The following PHAF1 variants were observed in gnomAD, a reference collection of about 807,000 sequenced individuals.
PHAF1 encodes phagosome assembly factor 1.
Under a neutral mutation model 63.1 loss-of-function variants are expected in PHAF1, and 23 were observed. The observed-to-expected ratio is 0.36, with a 90% confidence interval of 0.26 to 0.52. The LOEUF (loss-of-function observed/expected upper bound fraction) is 0.52, where lower values mean the gene tolerates loss of function less well. Among genes scored for constraint, PHAF1 ranks in the 20% least tolerant of loss-of-function variants. The probability of loss-of-function intolerance (pLI) is 0.93; values close to 1 mark genes in which losing one functional copy is unlikely to be tolerated. For missense variants in PHAF1, 427 were observed against 517.2 expected, an observed-to-expected ratio of 0.83 and a Z score of 1.69; for synonymous variants, 167 against 185.0, an observed-to-expected ratio of 0.90 and a Z score of 0.79.
Position 67,145,394 on chromosome 16 carries a change from C to T in PHAF1, c.1025C>T (p.Thr342Ile). The change falls in exon 13 of 16, where the codon ACA (threonine) becomes ATA (isoleucine). Residue 342 changes from threonine (T) to isoleucine (I), a missense_variant. Thr to Ile is a moderately conservative substitution (Grantham distance 89). Coordinates refer to ENST00000219139, the MANE Select transcript of PHAF1 (RefSeq NM_025187.5). ...AIKKENADGQ[T>I]ETCTTYSKWD... ...TTTTCAGAAAACGCAGATGGTCAGA[C>T]AGAAACATGCACGACCTACAGCAAG... The T allele has an allele frequency of 1.2e-6, 2 of 1,614,194 alleles. No homozygotes were observed. The highest frequency in any genetic ancestry group is 2.2e-5 in the East Asian group (1 of 44,884).
At position 67,129,403 on chromosome 16, in the gene PHAF1, C is replaced by A. The variant is rs1963307056; in HGVS notation, c.232-1883C>A. On this transcript the variant is annotated intron_variant, in intron 3 of 15. Coordinates refer to ENST00000219139, the MANE Select transcript of PHAF1 (RefSeq NM_025187.5). ...TGACGGCCTAGCAGAGGGAGCAGTT[C>A]TTTCTAGCAGATAGGATCAAAAGAG... Among the ~76,000 whole-genome samples, 5 of 152,238 alleles carry A rather than the reference C, an allele frequency of 3.3e-5. No homozygotes were observed. The South Asian group carries it at 1.0e-3, about 32-fold the overall frequency.
At chr16:67,129,330 A>T (rs906745974) in intron 3 of PHAF1, among the ~76,000 whole-genome samples, 1 of 152,222 alleles carries the variant, frequency 6.6e-6, no homozygotes, top group Non-Finnish European at 1.5e-5. Context: ...TTATTGGACC[A>T]CTTAACAGAA....
At position 67,110,267 on chromosome 16, in the gene PHAF1, C is replaced by G. The variant is rs746641199; in HGVS notation, c.64+28C>G. On this transcript the variant is annotated intron_variant, in intron 1 of 15. Transcript: ENST00000219139. ...GAGTTTGGGGTCCTCTGTCAGGACC[C>G]CATTCGCTGATCCTTGCTTTCTCCT... is the stretch of plus-strand genomic sequence containing the variant. The G allele has an allele frequency of 9.7e-6, 15 of 1,550,488 alleles. 1 individual carries two copies. In the South Asian group the frequency reaches 1.8e-4, roughly 18 times the overall value.
Position 67,147,107 on chromosome 16 carries a change from C to A in PHAF1, c.1245C>A (p.His415Gln). Residue 415 changes from histidine to glutamine, a missense_variant, in exon 16 of 16, where the codon CAC (histidine) becomes CAA (glutamine). Physicochemically the swap from His to Gln is conservative, Grantham distance 24. Transcript: ENST00000219139. The part of the protein sequence containing the change: ...TLYGPPRPGS[H>Q]LRTAELP The stretch of plus-strand genomic sequence containing the variant: ...ATGGCCCCCCCAGGCCTGGTAGCCA[C>A]CTGAGAACAGCGGAACTCCCCTAGG... 6.2e-7 allele frequency: 1 copy of A among 1,613,866 alleles called. No individual in the cohort carries two copies. Among genetic ancestry groups the A allele is most frequent in the Non-Finnish European group, 8.5e-7 (1 of 1,179,772 alleles).
At position 67,144,351 on chromosome 16, in the gene PHAF1, T is replaced by TA; in HGVS notation, c.938dup (p.Tyr313Ter). ...GAAGAAGTTTGTTCTACACACCAAT[T>TA]ACCCTGGGCATTATAATTTCAACAT... ...KVKKFVLHTNYPGHYNFNIYH... is the reference protein window; with the variant it reads ...KVKKFVLHTN Residue 313 changes from tyrosine to a stop codon, truncating the protein, a stop_gained and frameshift_variant, in exon 11 of 16, where the codon TAC becomes TAAC. Coordinates refer to ENST00000219139, the MANE Select transcript of PHAF1 (RefSeq NM_025187.5). LOFTEE classifies it high-confidence loss of function. 1 of 1,610,050 alleles carries TA rather than the reference T, an allele frequency of 6.2e-7. No homozygotes were observed. Among genetic ancestry groups the TA allele is most frequent in the Non-Finnish European group, 8.5e-7 (1 of 1,176,234 alleles).
At chr16:67,142,801 C>G (rs1251390398) in intron 10 of PHAF1, among the ~76,000 whole-genome samples, 2 of 152,308 alleles carry the variant, frequency 1.3e-5, no homozygotes, top group Non-Finnish European at 2.9e-5. Flanking sequence ...GGCCAGGGCT[C>G]TCACCTGTTC....
chr16:67,117,550 G>A lies in PHAF1; in HGVS notation c.65-2562G>A, dbSNP rs570618114. On this transcript the variant is annotated intron_variant, in intron 1 of 15. Transcript: ENST00000219139. ...CCCAGCACTTTGGGAGGCCGAGGCG[G>A]TGGATCACGAGGTCAGGAGATCGAG... Among the ~76,000 whole-genome samples, 663 of 151,476 alleles carry A rather than the reference G, an allele frequency of 4.4e-3. 3 individuals are homozygous for A. The highest frequency in any genetic ancestry group is 0.015 in the African/African-American group (611 of 41,368).
rs1287657598 is a variant in PHAF1 at position 67,110,258 on chromosome 16, G to A, written c.64+19G>A. 3.9e-6 allele frequency: 6 copies of A among 1,550,592 alleles called. No homozygotes were observed. Among genetic ancestry groups the A allele is most frequent in the Non-Finnish European group, 4.4e-6 (5 of 1,146,106 alleles). On this transcript the variant is annotated intron_variant, in intron 1 of 15. Transcript: ENST00000219139. ...ACGCTGGGTGAGTTTGGGGTCCTCT[G>A]TCAGGACCCCATTCGCTGATCCTTG... is the stretch of plus-strand genomic sequence containing the variant.
intron 10 of PHAF1, among the ~76,000 whole-genome samples, chr16:67,141,594 G>A (rs907469809): frequency 6.6e-6 from 1 of 152,242 alleles, no homozygotes; most frequent in African/African-American, 2.4e-5. Flanking sequence ...AGGGGTGTGT[G>A]AGCGAGTGAA....
At position 67,147,407 on chromosome 16, in the gene PHAF1, CAACT is replaced by C; in HGVS notation, c.*280_*283del. ...CTTGATTCCTGGACCCAGGAGCTCT[CAACT>C]AACAAGGAGGCAGGAGAGGTCAACC... On this transcript the variant is annotated 3_prime_UTR_variant, in exon 16 of 16. Transcript: ENST00000219139. 2.2e-6 allele frequency: 1 copy of C among 459,966 alleles called. No homozygotes were observed. The highest frequency in any genetic ancestry group is 3.9e-6 in the Non-Finnish European group (1 of 256,694). The allele number at this position is 459,966 out of a possible 1,614,324, so 28.5% of individuals were successfully genotyped here. A position where few individuals can be genotyped will look rare whatever the true frequency, so the allele number is the denominator to read the frequency against.
chr16:67,117,199 ATTTTTTTTTTT>A (rs750308105), intron 1 of PHAF1, among the ~76,000 whole-genome samples: 2 of 111,980 alleles, frequency 1.8e-5, no homozygotes, highest in Admixed American at 1.8e-4. Context: ...TGCCCAGCTA[ATTTTTTTTTTT>A]TTTTTTTTTT....
At chr16:67,133,606 C>T (rs558938819) in intron 6 of PHAF1, among the ~76,000 whole-genome samples, 5 of 151,716 alleles carry the variant, frequency 3.3e-5, no homozygotes, top group South Asian at 2.1e-4. Flanking sequence ...GGTGAAACCC[C>T]GTCTCTATTA....
chr16:67,144,022 A>G (rs887743293), intron 10 of PHAF1, among the ~76,000 whole-genome samples: 2 of 152,152 alleles, frequency 1.3e-5, no homozygotes, highest in South Asian at 2.1e-4. Context: ...GAATTGCTTG[A>G]ACCCAGGAGA....
chr16:67,134,123 A>G (rs765500225), intron 6 of PHAF1, 45 bp from the exon 7 acceptor site: 2 of 1,504,050 alleles, frequency 1.3e-6, no homozygotes, highest in Non-Finnish European at 1.8e-6. Flanking sequence ...CCTGAGTCCC[A>G]TCACCTGTTG....
In PHAF1 at chr16:67,147,063, A is replaced by G. The variant is rs898562607; in HGVS notation, c.1201A>G (p.Ile401Val). 1.2e-6 allele frequency: 2 copies of G among 1,613,538 alleles called. No homozygotes were observed. Among genetic ancestry groups the G allele is most frequent in the Non-Finnish European group, 1.7e-6 (2 of 1,179,892 alleles). Reference sequence around the variant, plus strand: ...ACACCAGGTCATGCAGAACAACCACATTGCCTCGGTGACCCTGTATGGCCC... The same window carrying G: ...ACACCAGGTCATGCAGAACAACCACGTTGCCTCGGTGACCCTGTATGGCCC... ...MIFEVMQNNHIASVTLYGPPR... is the reference protein window; with the variant it reads ...MIFEVMQNNHVASVTLYGPPR... The change falls in exon 16 of 16, where the codon ATT (isoleucine) becomes GTT (valine). Residue 401 changes from isoleucine to valine, a missense_variant. Coordinates refer to ENST00000219139, the MANE Select transcript of PHAF1 (RefSeq NM_025187.5).
intron 1 of PHAF1, among the ~76,000 whole-genome samples, chr16:67,114,534 G>A (rs1962658909): frequency 6.7e-6 from 1 of 150,338 alleles, no homozygotes; most frequent in East Asian, 1.9e-4. Context: ...AACAACAGGA[G>A]CTGGAAATCT....
Position 67,128,897 on chromosome 16 carries a change from T to C in PHAF1, c.232-2389T>C, listed in dbSNP as rs979836409. On this transcript the variant is annotated intron_variant, in intron 3 of 15. Transcript: ENST00000219139. Reference sequence around the variant, plus strand: ...AGCACCTATATGTGTTGGACCCGTATAGCTGTTGGCAGGTGGGGTGCCAGT... The same window carrying C: ...AGCACCTATATGTGTTGGACCCGTACAGCTGTTGGCAGGTGGGGTGCCAGT... Among the ~76,000 whole-genome samples, 89 of 152,330 alleles carry C rather than the reference T, an allele frequency of 5.8e-4. 1 individual carries two copies. Among genetic ancestry groups the C allele is most frequent in the African/African-American group, 2.0e-3 (84 of 41,584 alleles).
At chr16:67,145,685 G>C (rs1287291008) in intron 14 of PHAF1, 57 bp downstream of exon 14, 2 of 1,550,604 alleles carry the variant, frequency 1.3e-6, no homozygotes, top group Non-Finnish European at 1.7e-6. Flanking sequence ...AGCCCAGAAA[G>C]CCCAGGGAAG....
In PHAF1 at chr16:67,144,865, G is replaced by C. The variant is rs2029905702; in HGVS notation, c.994G>C (p.Ala332Pro). ...YHRCEFKIPL[A>P]IKKENADGQT... is the part of the protein sequence containing the mutation. ...TCGCTGTGAGTTCAAGATCCCACTAGCCATAAAGAAAGGTGAGTAGTGAAA... is the reference window on the plus strand; with the variant it reads ...TCGCTGTGAGTTCAAGATCCCACTACCCATAAAGAAAGGTGAGTAGTGAAA... The change falls in exon 12 of 16, where the codon GCC (alanine) becomes CCC (proline). Residue 332 changes from alanine (A) to proline (P), a missense_variant. Ala to Pro is a conservative substitution (Grantham distance 27). Coordinates refer to ENST00000219139, the MANE Select transcript of PHAF1 (RefSeq NM_025187.5). The C allele has an allele frequency of 1.2e-6, 2 of 1,613,942 alleles. No individual in the cohort carries two copies. The highest frequency in any genetic ancestry group is 1.3e-5 in the African/African-American group (1 of 74,898).
Sources: gnomAD v4.1 joint callset for allele counts (sites outside exome capture counted in the v4.1 genomes callset) on GRCh38, gnomAD v4.1.1 for gene constraint, MANE v1.5 for transcripts, NCBI Gene and HGNC (gene_info 2026-07-23, HGNC 2026-07-21) for gene names.